Variants in HHAT observed in about 807,000 individuals in gnomAD.
The protein encoded by HHAT is hedgehog acyltransferase.
Under a neutral mutation model 70.8 loss-of-function variants are expected in HHAT, and 47 were observed. That is an observed-to-expected ratio of 0.66 (90% CI 0.53 to 0.85). HHAT has a LOEUF of 0.85. Ranked by LOEUF, HHAT falls within the 40% of genes least tolerant of loss-of-function variation. The probability of loss-of-function intolerance (pLI) is 0.00; values close to 1 mark genes in which losing one functional copy is unlikely to be tolerated. For synonymous variants in HHAT, 228 were observed against 247.6 expected (o/e 0.92, Z 0.74); for missense variants, 609 against 604.8 (o/e 1.01, Z -0.07).
chr1:210,531,092 C>G (rs1203294902), intron 9 of HHAT, among the ~76,000 whole-genome samples: 1 of 152,146 alleles, frequency 6.6e-6, no homozygotes, highest in Non-Finnish European at 1.5e-5. Context: ...GCCTCTTGCT[C>G]CTAGACTACA....
intron 9 of HHAT, among the ~76,000 whole-genome samples, chr1:210,544,367 GTTTTTTTTTTTTT>G (rs569514246): frequency 4.4e-5 from 4 of 90,066 alleles, no homozygotes; most frequent in African/African-American, 8.6e-5. Context: ...TCTTTCTTTC[GTTTTTTTTTTTTT>G]TTTTTTTTTT....
In HHAT at chr1:210,338,184, T is replaced by A. The variant is rs1482520479; in HGVS notation, c.-44+9080T>A. Among the ~76,000 whole-genome samples the A allele has an allele frequency of 6.0e-5, 9 of 150,062 alleles. No individual in the cohort carries two copies. In the South Asian group the frequency reaches 1.5e-3, roughly 25 times the overall value. On this transcript the variant is annotated intron_variant, in intron 1 of 11. Coordinates refer to ENST00000261458, the MANE Select transcript of HHAT (RefSeq NM_018194.6). Reference sequence around the variant, plus strand: ...CAACATAGTGAGACCCGCCCCCATTTAAAAAAAAAAATGGGTGTAGTGGCT... The same window carrying A: ...CAACATAGTGAGACCCGCCCCCATTAAAAAAAAAAAATGGGTGTAGTGGCT...
chr1:210,425,522 G>C (rs1003091179), intron 7 of HHAT, among the ~76,000 whole-genome samples: 1 of 152,098 alleles, frequency 6.6e-6, no homozygotes, highest in African/African-American at 2.4e-5. Context: ...TTTTGTATGT[G>C]CTATAAAGAA....
At chr1:210,524,114 C>T (rs535694209) in intron 9 of HHAT, among the ~76,000 whole-genome samples, 36 of 152,248 alleles carry the variant, frequency 2.4e-4, no homozygotes, top group Non-Finnish European at 4.0e-4. Context: ...AGTTGTTAAT[C>T]GGGTATAAAG....
chr1:210,404,974 T>A (rs2092268453), intron 6 of HHAT, among the ~76,000 whole-genome samples: 1 of 152,168 alleles, frequency 6.6e-6, no homozygotes, highest in Non-Finnish European at 1.5e-5. Flanking sequence ...TGGGAGTTGG[T>A]ATCCACTGTG....
intron 9 of HHAT, among the ~76,000 whole-genome samples, chr1:210,579,140 A>G (rs557003405): frequency 1.3e-5 from 2 of 152,214 alleles, no homozygotes; most frequent in African/African-American, 2.4e-5. Flanking sequence ...GACACGGGAG[A>G]TGGAGGGTGG....
chr1:210,393,255 G>C (rs1326116773), intron 4 of HHAT, among the ~76,000 whole-genome samples: 2 of 152,186 alleles, frequency 1.3e-5, no homozygotes, highest in African/African-American at 4.8e-5. Flanking sequence ...GCTGGCATTT[G>C]CTCCTGGGAG....
rs201821886 is a variant in HHAT at position 210,348,963 on chromosome 1, G to A, written c.-13G>A. ...CTCAGCGTAGGCATCGGGAACCTTCGTGCCAAGGAGCCATGCTGCCCCGAT... is the reference window on the plus strand; with the variant it reads ...CTCAGCGTAGGCATCGGGAACCTTCATGCCAAGGAGCCATGCTGCCCCGAT... On this transcript the variant is annotated 5_prime_UTR_variant, in exon 2 of 12. It adds an upstream start codon to the 5' untranslated region. Transcript: ENST00000261458. 6.2e-6 allele frequency: 10 copies of A among 1,613,006 alleles called. No individual in the cohort carries two copies. Among genetic ancestry groups the A allele is most frequent in the Admixed American group, 1.7e-5 (1 of 59,752 alleles).
At chr1:210,416,575 A>C (rs1347161470) in intron 6 of HHAT, among the ~76,000 whole-genome samples, 1 of 152,228 alleles carries the variant, frequency 6.6e-6, no homozygotes, top group Non-Finnish European at 1.5e-5. Context: ...GTTACTGTGC[A>C]TCTCTAAACA....
intron 7 of HHAT, among the ~76,000 whole-genome samples, chr1:210,435,392 G>T (rs7534912): frequency 0.24 from 36,186 of 151,524 alleles, 4,881 homozygotes; most frequent in Admixed American, 0.36. Flanking sequence ...TAGGTTGATT[G>T]CATATTTTGG....
At chr1:210,430,678 T>G (rs1362278277) in intron 7 of HHAT, among the ~76,000 whole-genome samples, 1 of 151,860 alleles carries the variant, frequency 6.6e-6, no homozygotes, top group Non-Finnish European at 1.5e-5. Flanking sequence ...TTTCAGTTCT[T>G]TTTTCTCTTA....
At chr1:210,516,496 T>C (rs2095059450) in intron 9 of HHAT, among the ~76,000 whole-genome samples, 1 of 152,070 alleles carries the variant, frequency 6.6e-6, no homozygotes, top group African/African-American at 2.4e-5. Flanking sequence ...TTCTTGTAAA[T>C]ATGTCATTAG....
intron 3 of HHAT, among the ~76,000 whole-genome samples, chr1:210,379,509 A>G (rs2148110367): frequency 6.6e-6 from 1 of 152,338 alleles, no homozygotes; most frequent in Non-Finnish European, 1.5e-5. Context: ...CTGAATGCTG[A>G]AGTTCCTTTT....
chr1:210,402,834 T>A (rs2092144393), intron 5 of HHAT, among the ~76,000 whole-genome samples: 1 of 152,166 alleles, frequency 6.6e-6, no homozygotes, highest in Non-Finnish European at 1.5e-5. Context: ...TGACAACACT[T>A]AGCATTCATG....
chr1:210,645,168 A>G (rs552451375), intron 11 of HHAT, among the ~76,000 whole-genome samples: 4 of 152,330 alleles, frequency 2.6e-5, no homozygotes, highest in African/African-American at 7.2e-5. Flanking sequence ...AGCCTAGCGG[A>G]CGGGACAGGC....
chr1:210,673,815 G>T (rs374736214), intron 11 of HHAT, among the ~76,000 whole-genome samples: 84 of 142,276 alleles, frequency 5.9e-4, no homozygotes, highest in South Asian at 1.1e-3. Context: ...ATTTATTTAT[G>T]GTAGAGATGA....
intron 9 of HHAT, among the ~76,000 whole-genome samples, chr1:210,528,762 C>A (rs1343989150): frequency 2.0e-5 from 3 of 152,062 alleles, no homozygotes; most frequent in African/African-American, 7.3e-5. Flanking sequence ...ATTCAGATAC[C>A]CTTTCCTGAA....
At chr1:210,366,642 A>ATTTTT (rs1306459743) in intron 3 of HHAT, among the ~76,000 whole-genome samples, 12 of 152,304 alleles carry the variant, frequency 7.9e-5, no homozygotes, top group Non-Finnish European at 1.8e-4. Context: ...AATCAAAAAC[A>ATTTTT]AGAAACAATT....
chr1:210,608,357 C>A (rs921519946), intron 10 of HHAT, among the ~76,000 whole-genome samples: 1 of 152,100 alleles, frequency 6.6e-6, no homozygotes, highest in Non-Finnish European at 1.5e-5. Context: ...AAAAGATCAC[C>A]TTTAATATAT....
Sources: allele counts gnomAD v4.1 joint callset (sites outside exome capture counted in the v4.1 genomes callset), GRCh38; gene constraint gnomAD v4.1.1; transcripts MANE v1.5; gene names NCBI Gene and HGNC (gene_info 2026-07-23, HGNC 2026-07-21).